LOC400499: variants seen among roughly 807,000 people sequenced by gnomAD.
At chr16:11,426,434 C>T in the LOC400499 span, among the ~76,000 whole-genome samples, 1 of 152,116 alleles carries the variant, frequency 6.6e-6, no homozygotes, top group Admixed American at 6.5e-5. Flanking sequence ...CAGGGCAAGA[C>T]TCTGTCTCTA....
the LOC400499 span, among the ~76,000 whole-genome samples, chr16:11,382,068 C>T: frequency 3.0e-3 from 462 of 152,152 alleles, 1 homozygote; most frequent in African/African-American, 0.01. Context: ...TTCATAGTTG[C>T]TGGGATTACA....
the LOC400499 span, among the ~76,000 whole-genome samples, chr16:11,415,152 C>T: frequency 6.6e-6 from 1 of 152,190 alleles, no homozygotes; most frequent in Non-Finnish European, 1.5e-5. Context: ...GCCACCTGGC[C>T]CTGGCTGGAG....
chr16:11,376,740 G>C, the LOC400499 span, among the ~76,000 whole-genome samples: 2 of 152,102 alleles, frequency 1.3e-5, no homozygotes, highest in African/African-American at 2.4e-5. Context: ...ATGCCACTGG[G>C]ATTTTGATAG....
chr16:11,478,034 C>T, the LOC400499 span: 12 of 398,404 alleles, frequency 3.0e-5, no homozygotes, highest in Non-Finnish European at 4.9e-5. Flanking sequence ...AAGCGGGGGC[C>T]GGGCTCGGTG....
the LOC400499 span, among the ~76,000 whole-genome samples, chr16:11,377,208 A>G: frequency 6.6e-6 from 1 of 152,218 alleles, no homozygotes; most frequent in Admixed American, 6.5e-5. Flanking sequence ...TGTAATCCTG[A>G]AACTTTGACA....
chr16:11,390,143 G>C, the LOC400499 span: 12 of 1,232,354 alleles, frequency 9.7e-6, no homozygotes, highest in Non-Finnish European at 1.2e-5. Context: ...GTGGTTTGCA[G>C]AGCCTCTTCA....
At chr16:11,486,282 GATGGATGGATGGATGA>G in the LOC400499 span, among the ~76,000 whole-genome samples, 7 of 131,556 alleles carry the variant, frequency 5.3e-5, no homozygotes, top group South Asian at 2.4e-4. Flanking sequence ...GGGATGGATG[GATGGATGGATGGATGA>G]ATGGTACATG....
chr16:11,385,198 C>T, the LOC400499 span: 10 of 1,232,056 alleles, frequency 8.1e-6, no homozygotes, highest in Non-Finnish European at 1.0e-5. Context: ...GCTGCCATGC[C>T]TCTCCTGCTC....
chr16:11,505,022 G>C, the LOC400499 span, among the ~76,000 whole-genome samples: 1 of 152,134 alleles, frequency 6.6e-6, no homozygotes, highest in East Asian at 1.9e-4. Flanking sequence ...GAAGGAAAGT[G>C]ACACTCAAAG....
At chr16:11,413,240 G>A in the LOC400499 span, among the ~76,000 whole-genome samples, 3 of 152,210 alleles carry the variant, frequency 2.0e-5, no homozygotes, top group South Asian at 4.2e-4. Context: ...ACCTGACCTC[G>A]AGGCCAGGAA....
chr16:11,488,142 G>A, the LOC400499 span, among the ~76,000 whole-genome samples: 6 of 150,974 alleles, frequency 4.0e-5, no homozygotes, highest in African/African-American at 7.3e-5. Flanking sequence ...TCAGTGTTTC[G>A]TTACCCGCCT....
At chr16:11,398,863 G>A in the LOC400499 span, among the ~76,000 whole-genome samples, 1 of 152,060 alleles carries the variant, frequency 6.6e-6, no homozygotes, top group Non-Finnish European at 1.5e-5. Context: ...GTTTCGCCAT[G>A]TTGGCCAGGC....
the LOC400499 span, chr16:11,515,850 GGCCCAGCCCA>G: frequency 4.3e-4 from 95 of 221,462 alleles, 1 homozygote; most frequent in South Asian, 3.4e-3. Context: ...TCAGGGGCCC[GGCCCAGCCCA>G]GCCCAGCCCA....
chr16:11,377,769 G>C, the LOC400499 span, among the ~76,000 whole-genome samples: 3 of 152,116 alleles, frequency 2.0e-5, no homozygotes, highest in Non-Finnish European at 4.4e-5. Flanking sequence ...TTTTCCTCTG[G>C]TGCTTTGTCT....
At chr16:11,420,597 AC>A in the LOC400499 span, among the ~76,000 whole-genome samples, 234 of 91,930 alleles carry the variant, frequency 2.5e-3, 3 homozygotes, top group Middle Eastern at 0.011. Context: ...ATAATAATAA[AC>A]CCCCCCCCCC....
At chr16:11,446,715 G>T in the LOC400499 span, 1 of 1,532,898 alleles carries the variant, frequency 6.5e-7, no homozygotes, top group Middle Eastern at 1.7e-4. Flanking sequence ...TGGCTCTCAG[G>T]CCCCTTCCGG....
chr16:11,388,630 A>G, the LOC400499 span, among the ~76,000 whole-genome samples: 2 of 152,122 alleles, frequency 1.3e-5, no homozygotes, highest in African/African-American at 4.8e-5. Context: ...TGTTCTCAAC[A>G]CAGGGGCCAA....
the LOC400499 span, among the ~76,000 whole-genome samples, chr16:11,504,562 C>A: frequency 0.68 from 102,163 of 151,082 alleles, 35,231 homozygotes; most frequent in East Asian, 0.84. Flanking sequence ...TCCCCCCCCC[C>A]AAAAAAAAGA....
At chr16:11,465,330 T>G in the LOC400499 span, 1 of 152,178 alleles carries the variant, frequency 6.6e-6, no homozygotes, top group South Asian at 2.1e-4. Context: ...TTTCACCATC[T>G]TGGCCAGGCT....
Sources: allele counts gnomAD v4.1 joint callset (sites outside exome capture counted in the v4.1 genomes callset), GRCh38; gene constraint gnomAD v4.1.1; transcripts MANE v1.5.